Variants in CAB39L observed in about 807,000 individuals in gnomAD.
CAB39L encodes calcium-binding protein 39-like.
In CAB39L, 23 loss-of-function variants were observed where a neutral mutation model predicts 39.1. The ratio of observed to expected loss-of-function variants is 0.59; its 90% confidence interval spans 0.42 to 0.83. The LOEUF is 0.83. Ranked by LOEUF, CAB39L falls within the 40% of genes least tolerant of loss-of-function variation. CAB39L has a pLI of 0.00. For synonymous variants in CAB39L, 126 were observed against 137.2 expected (o/e 0.92, Z 0.57); for missense variants, 366 against 391.9 (o/e 0.93, Z 0.56).
chr13:49,414,921 C>G (rs1258087618), intron 3 of CAB39L, among the ~76,000 whole-genome samples: 1 of 152,076 alleles, frequency 6.6e-6, no homozygotes, highest in East Asian at 1.9e-4. Flanking sequence ...TTGCTGGGCA[C>G]GGTGGCTCAT....
chr13:49,329,990 C>A (rs548308364), intron 10 of CAB39L, among the ~76,000 whole-genome samples: 5 of 152,084 alleles, frequency 3.3e-5, no homozygotes, highest in Non-Finnish European at 5.9e-5. Flanking sequence ...AGGGGCTAAA[C>A]GTGAATCTTG....
At chr13:49,315,806 A>G (rs903912998) in intron 10 of CAB39L, among the ~76,000 whole-genome samples, 3 of 150,262 alleles carry the variant, frequency 2.0e-5, no homozygotes, top group African/African-American at 7.3e-5. Context: ...AATGGCTTGA[A>G]CCCAGAAGGC....
At chr13:49,407,700 G>T in intron 3 of CAB39L, among the ~76,000 whole-genome samples, 1 of 151,616 alleles carries the variant, frequency 6.6e-6, no homozygotes, top group African/African-American at 2.4e-5. Flanking sequence ...TAACATATTT[G>T]TTTTTATTTA....
intron 5 of CAB39L, among the ~76,000 whole-genome samples, chr13:49,374,539 ACTT>A (rs1172319249): frequency 1.3e-5 from 2 of 152,196 alleles, no homozygotes; most frequent in South Asian, 2.1e-4. Context: ...TTTTAAATGA[ACTT>A]CTTCTCAAAA....
rs150254551 is a variant in CAB39L, at chr13:49,405,692, TGAAAGAAA to T, written c.-31-22759_-31-22752del. ...CCTGGGTGACAGAGCAAGACCCTGC[TGAAAGAAA>T]GAAAGAAAGAAAGAGAGAGAGGAAG... On this transcript the variant is annotated intron_variant, in intron 3 of 10. Transcript: ENST00000409308. Among the ~76,000 whole-genome samples the T allele has an allele frequency of 4.1e-5, 4 of 97,940 alleles. No individual in the cohort carries two copies. The East Asian group carries it at 6.8e-4, about 17-fold the overall frequency. 64.3% of individuals were successfully genotyped at this position (97,940 alleles called of 152,430 possible). A position where few individuals can be genotyped will look rare whatever the true frequency, so the allele number is the denominator to read the frequency against.
chr13:49,431,676 C>T (rs1369864706), intron 3 of CAB39L, among the ~76,000 whole-genome samples: 1 of 151,550 alleles, frequency 6.6e-6, no homozygotes, highest in African/African-American at 2.4e-5. Context: ...CACTGCACTC[C>T]AGCCTGGACA....
chr13:49,408,784 T>C lies in CAB39L; in HGVS notation c.-32+24534A>G, dbSNP rs1010983612. 3.3e-5 allele frequency among the ~76,000 whole-genome samples: 5 copies of C among 151,758 alleles called. No homozygotes were observed. The East Asian group carries it at 9.7e-4, about 29-fold the overall frequency. On this transcript the variant is annotated intron_variant, in intron 3 of 10. Transcript: ENST00000409308. ...AGGCAGAGGTTGCAGTGAGCTGAGATTGCACCACCGCACTCCAGCCTGGGC... is the reference window on the plus strand; with the variant it reads ...AGGCAGAGGTTGCAGTGAGCTGAGACTGCACCACCGCACTCCAGCCTGGGC...
intron 1 of CAB39L, among the ~76,000 whole-genome samples, chr13:49,435,911 T>C (rs1957404771): frequency 6.6e-6 from 1 of 152,236 alleles, no homozygotes; most frequent in South Asian, 2.1e-4. Flanking sequence ...GGTGTTTTCA[T>C]CCAGGAGGTT....
intron 10 of CAB39L, among the ~76,000 whole-genome samples, chr13:49,331,246 A>G (rs1328158429): frequency 6.6e-6 from 1 of 152,068 alleles, no homozygotes; most frequent in Non-Finnish European, 1.5e-5. Context: ...AGGGCGGATC[A>G]CGAGGTCAGG....
At chr13:49,355,748 T>A (rs1353349217) in intron 6 of CAB39L, among the ~76,000 whole-genome samples, 1 of 151,668 alleles carries the variant, frequency 6.6e-6, no homozygotes, top group Non-Finnish European at 1.5e-5. Context: ...AGAGTGTGTG[T>A]CTCTGTACAT....
chr13:49,380,061 G>T (rs1025926072), intron 4 of CAB39L, among the ~76,000 whole-genome samples: 1 of 152,056 alleles, frequency 6.6e-6, no homozygotes, highest in Non-Finnish European at 1.5e-5. Context: ...AGATGGTCTC[G>T]ATCTCCTGAA....
intron 10 of CAB39L, among the ~76,000 whole-genome samples, chr13:49,326,522 A>C (rs1024778646): frequency 1.3e-5 from 2 of 152,216 alleles, no homozygotes; most frequent in Non-Finnish European, 2.9e-5. Flanking sequence ...CATTTTCAGG[A>C]CTGGGTTCCA....
At chr13:49,415,054 G>A (rs1194997007) in intron 3 of CAB39L, among the ~76,000 whole-genome samples, 1 of 151,746 alleles carries the variant, frequency 6.6e-6, no homozygotes, top group Non-Finnish European at 1.5e-5. Context: ...AAAGTTAGCT[G>A]GGTGTGGTGG....
intron 3 of CAB39L, 40 bp downstream of exon 3, chr13:49,433,278 G>A (rs1256701273): frequency 4.7e-6 from 2 of 427,674 alleles, no homozygotes; most frequent in Non-Finnish European, 9.2e-6. Context: ...CGTCTGTCGA[G>A]AGCACTTAAA....
At chr13:49,393,329 T>C (rs1956530194) in intron 3 of CAB39L, among the ~76,000 whole-genome samples, 1 of 152,030 alleles carries the variant, frequency 6.6e-6, no homozygotes, top group South Asian at 2.1e-4. Context: ...CTATACCAGA[T>C]CTGTATTTTA....
At chr13:49,406,431 C>T (rs752673546) in intron 3 of CAB39L, among the ~76,000 whole-genome samples, 4 of 150,342 alleles carry the variant, frequency 2.7e-5, no homozygotes, top group African/African-American at 4.9e-5. Context: ...CCGCCTACCT[C>T]GGCCTCCCAA....
At chr13:49,324,221 G>A (rs1460309916) in intron 10 of CAB39L, among the ~76,000 whole-genome samples, 1 of 152,026 alleles carries the variant, frequency 6.6e-6, no homozygotes, top group Non-Finnish European at 1.5e-5. Flanking sequence ...GGAGGCTGAG[G>A]CAGAAGAATC....
At chr13:49,312,912 C>A (rs147845384) in intron 10 of CAB39L, among the ~76,000 whole-genome samples, 106 of 152,246 alleles carry the variant, frequency 7.0e-4, no homozygotes, top group African/African-American at 2.3e-3. Context: ...TGGAACCAAA[C>A]CCTCACCTTC....
chr13:49,442,821 A>G, intron 1 of CAB39L, among the ~76,000 whole-genome samples: 1 of 135,996 alleles, frequency 7.4e-6, no homozygotes, highest in African/African-American at 2.9e-5. Flanking sequence ...AAAAAAAAAC[A>G]TCAATTATTT....
Sources: allele counts gnomAD v4.1 joint callset (sites outside exome capture counted in the v4.1 genomes callset), GRCh38; gene constraint gnomAD v4.1.1; transcripts MANE v1.5; gene names NCBI Gene and HGNC (gene_info 2026-07-23, HGNC 2026-07-21).